The following HDAC5 variants were observed in gnomAD, a reference collection of about 807,000 sequenced individuals.
HDAC5 encodes the protein histone deacetylase 5, also known as antigen NY-CO-9.
In HDAC5, 25 loss-of-function variants were observed where a neutral mutation model predicts 133.3. The observed-to-expected ratio is 0.19, with a 90% CI of 0.14 to 0.26. The LOEUF (loss-of-function observed/expected upper bound fraction) is 0.26. Among genes scored for constraint, HDAC5 ranks in the 10% least tolerant of loss-of-function variants. The probability of loss-of-function intolerance (pLI) is 1.00; values close to 1 mark genes in which losing one functional copy is unlikely to be tolerated. For missense variants in HDAC5, 1,041 were observed against 1,460.5 expected (o/e 0.71, Z 4.68); for synonymous variants, 589 against 610.8 (o/e 0.96, Z 0.53).
At position 44,088,522 on chromosome 17, in the gene HDAC5, C is replaced by T. The variant is rs199907289; in HGVS notation, c.1464G>A (p.Pro488=). The T allele has an allele frequency of 1.1e-5, 17 of 1,613,390 alleles. No homozygotes were observed. In the East Asian group the frequency reaches 2.9e-4, roughly 27 times the overall value. Residue 488 remains proline (P), a synonymous_variant, in exon 12 of 27, where the codon CCG becomes CCA. Transcript: ENST00000682912. ...GAGTGCGGCTCAGGGGCCGATGCCG[C>T]GGGAGCTTGCCTACCGTCCGCATGC... ...ATSMRTVGKL[P]RHRPLSRTQS...
At position 44,083,613 on chromosome 17, in the gene HDAC5, T is replaced by A. The variant is rs374690205; in HGVS notation, c.2395A>T (p.Ser799Cys). The change falls in exon 18 of 27, where the codon AGT becomes TGT. Residue 799 changes from serine (S) to cysteine (C), a missense_variant. Physicochemically the swap from Ser to Cys is moderately radical, Grantham distance 112. Coordinates refer to ENST00000682912, the MANE Select transcript of HDAC5 (RefSeq NM_005474.5). Reference protein sequence around the residue: ...DTVWNEMHSSSAVRMAVGCLL... With the variant: ...DTVWNEMHSSCAVRMAVGCLL... ...CAGCCCACTGCCATGCGCACAGCACTGGAGGAGTGCATCTCATTCCACACG... is the reference window on the plus strand; with the variant it reads ...CAGCCCACTGCCATGCGCACAGCACAGGAGGAGTGCATCTCATTCCACACG... 4.3e-6 allele frequency: 7 copies of A among 1,614,056 alleles called. No homozygotes were observed. The highest frequency in any genetic ancestry group is 1.3e-5 in the African/African-American group (1 of 74,954).
In HDAC5 at chr17:44,117,421, G is replaced by C; in HGVS notation, c.22+73C>G. The C allele has an allele frequency of 6.6e-7, 1 of 1,513,864 alleles. No individual in the cohort carries two copies. The highest frequency in any genetic ancestry group is 9.2e-7 in the Non-Finnish European group (1 of 1,088,412). 93.8% of individuals were successfully genotyped at this position (1,513,864 alleles called of 1,614,324 possible). A position where few individuals can be genotyped will look rare whatever the true frequency, so the allele number is the denominator to read the frequency against. On this transcript the variant is annotated intron_variant, in intron 2 of 26. Transcript: ENST00000682912. The surrounding 1 kb of genome is among the most constrained non-coding windows in gnomAD (Gnocchi z 4.2). Reference sequence around the variant, plus strand: ...CAGACAGTAAAGGTCAGCTGGCCTGGAAGGGAAACCCACACAGCCCATTGC... The same window carrying C: ...CAGACAGTAAAGGTCAGCTGGCCTGCAAGGGAAACCCACACAGCCCATTGC...
intron 13 of HDAC5, 84 bp from the exon 14 acceptor site, chr17:44,086,821 G>A (rs2050673392): frequency 1.0e-5 from 11 of 1,080,928 alleles, no homozygotes; most frequent in Non-Finnish European, 1.3e-5. Flanking sequence ...CTCCAGTGGG[G>A]CCCCAATCCA....
Position 44,082,734 on chromosome 17 carries a change from G to A in HDAC5, c.2519+31C>T, listed in dbSNP as rs202158617. On this transcript the variant is annotated intron_variant, in intron 19 of 26. Coordinates refer to ENST00000682912, the MANE Select transcript of HDAC5 (RefSeq NM_005474.5). ...GCATGACGTTTGCAAGAGACAGGAA[G>A]GGGCGAGGGCAGAGAATCTAGGGCA... The A allele has an allele frequency of 9.3e-6, 15 of 1,604,652 alleles. No individual in the cohort carries two copies. The African/African-American group carries it at 1.3e-4, about 14-fold the overall frequency.
At chr17:44,102,315 G>C (rs2051665239) in intron 3 of HDAC5, among the ~76,000 whole-genome samples, 1 of 152,222 alleles carries the variant, frequency 6.6e-6, no homozygotes, top group African/African-American at 2.4e-5. Flanking sequence ...CCAGAGACCT[G>C]AGTTCAAATT....
chr17:44,123,008 G>A (rs1292550426), intron 1 of HDAC5, among the ~76,000 whole-genome samples: 1 of 152,166 alleles, frequency 6.6e-6, no homozygotes, highest in Non-Finnish European at 1.5e-5. Flanking sequence ...CGGAAGTCAA[G>A]GACATAAAAT....
chr17:44,089,134 A>G (rs552145060), intron 11 of HDAC5, among the ~76,000 whole-genome samples: 1 of 152,292 alleles, frequency 6.6e-6, no homozygotes, highest in Admixed American at 6.5e-5. Flanking sequence ...CTTGCACACA[A>G]CCTGTCTAAA....
chr17:44,091,187 G>A, intron 11 of HDAC5, 83 bp downstream of exon 11: 1 of 1,009,714 alleles, frequency 9.9e-7, no homozygotes, highest in Non-Finnish European at 1.5e-6. Flanking sequence ...CTGCTAAGGG[G>A]AACTGTGACA....
At position 44,082,622 on chromosome 17, in the gene HDAC5, T is replaced by C; in HGVS notation, c.2570A>G (p.Gln857Arg). ...GAGGACCTTGCCCACGTTCAACTTC[T>C]GCTGTAGGAGTTTTGCGGTGATGGC... ...SVAITAKLLQ[Q>R]KLNVGKVLIV... The change falls in exon 20 of 27, where the codon CAG becomes CGG. Residue 857 changes from glutamine to arginine, a missense_variant. Coordinates refer to ENST00000682912, the MANE Select transcript of HDAC5 (RefSeq NM_005474.5). 1 of 1,614,182 alleles carries C rather than the reference T, an allele frequency of 6.2e-7. No homozygotes were observed. Among genetic ancestry groups the C allele is most frequent in the Non-Finnish European group, 8.5e-7 (1 of 1,180,018 alleles).
chr17:44,086,758 G>A (rs754867157), intron 13 of HDAC5, 21 bp from the exon 14 acceptor site: 135 of 1,286,076 alleles, frequency 1.0e-4, no homozygotes, highest in Non-Finnish European at 1.3e-4. Flanking sequence ...GAATGGGAGG[G>A]GGCCTGGGTC....
intron 24 of HDAC5, 97 bp downstream of exon 24, chr17:44,079,047 A>G: frequency 6.5e-7 from 1 of 1,543,660 alleles, no homozygotes; most frequent in Middle Eastern, 1.7e-4. Context: ...CTTAGGACCA[A>G]GGAAAAGCTT....
chr17:44,093,012 A>C, intron 6 of HDAC5, 80 bp downstream of exon 6: 1 of 1,009,312 alleles, frequency 9.9e-7, no homozygotes, highest in Non-Finnish European at 1.5e-6. Context: ...GGCACGGGGA[A>C]GAAGCCCCTT....
chr17:44,079,420 T>C (rs2050272803), intron 23 of HDAC5, 143 bp from the exon 24 acceptor site: 1 of 712,450 alleles, frequency 1.4e-6, no homozygotes, highest in Non-Finnish European at 2.3e-6. Flanking sequence ...GGCGGGCAGA[T>C]CACAAGGTCA....
chr17:44,099,131 G>T (rs967787346), intron 3 of HDAC5, among the ~76,000 whole-genome samples: 5 of 151,982 alleles, frequency 3.3e-5, no homozygotes, highest in Admixed American at 2.0e-4. Context: ...AGAAAAAAAT[G>T]AAAAGAAAAG....
rs2050172983 is a variant in HDAC5 at position 44,077,504 on chromosome 17, T to A, written c.*872A>T. 6.6e-6 allele frequency: 1 copy of A among 152,338 alleles called. No homozygotes were observed. Among genetic ancestry groups the A allele is most frequent in the Admixed American group, 6.5e-5 (1 of 15,284 alleles). 9.4% of individuals were successfully genotyped at this position (152,338 alleles called of 1,614,324 possible). On this transcript the variant is annotated 3_prime_UTR_variant, in exon 27 of 27. Coordinates refer to ENST00000682912, the MANE Select transcript of HDAC5 (RefSeq NM_005474.5). ...CTGGATGGCTGGGAAAATCTGGTCC[T>A]GACAGCAGGGGGGCTCTCACCAGCC...
chr17:44,116,140 C>CA (rs1272098467), intron 2 of HDAC5: 1 of 152,310 alleles, frequency 6.6e-6, no homozygotes, highest in African/African-American at 2.4e-5. Context: ...AGTTAGACCC[C>CA]AGCCCCATGG....
intron 3 of HDAC5, among the ~76,000 whole-genome samples, chr17:44,098,777 T>G (rs957348702): frequency 6.8e-6 from 1 of 146,588 alleles, no homozygotes; most frequent in Admixed American, 6.9e-5. Context: ...GAAGGGGCAC[T>G]GTTCCCTAAG....
In HDAC5 at chr17:44,092,250, G is replaced by A. The variant is rs759360942; in HGVS notation, c.954C>T (p.Gly318=). ...TGTGGGAGCTGTTGGGAGAGCTGGGGCCGGAGCCGGGTGCGCTGTTACACA... is the reference window on the plus strand; with the variant it reads ...TGTGGGAGCTGTTGGGAGAGCTGGGACCGGAGCCGGGTGCGCTGTTACACA... ...SSVCNSAPGS[G]PSSPNSSHST... is the part of the protein sequence containing the mutation. The change falls in exon 9 of 27, where the codon GGC becomes GGT. Residue 318 remains glycine (G), a synonymous_variant. Coordinates refer to ENST00000682912, the MANE Select transcript of HDAC5 (RefSeq NM_005474.5). The A allele has an allele frequency of 3.4e-5, 55 of 1,613,992 alleles. No homozygotes were observed. Among genetic ancestry groups the A allele is most frequent in the Non-Finnish European group, 4.6e-5 (54 of 1,179,964 alleles).
intron 2 of HDAC5, chr17:44,111,590 G>A (rs2052349070): frequency 1.9e-6 from 1 of 517,792 alleles, no homozygotes; most frequent in South Asian, 1.4e-5. Flanking sequence ...TTCCAGAACA[G>A]GTAAAGGAAT....
Sources: gnomAD v4.1 joint callset for allele counts (sites outside exome capture counted in the v4.1 genomes callset) on GRCh38, gnomAD v4.1.1 for gene constraint, Gnocchi (gnomAD v3.1) non-coding constraint, MANE v1.5 for transcripts, NCBI Gene and HGNC (gene_info 2026-07-23, HGNC 2026-07-21) for gene names.